Variants in ARFGEF3 observed in about 807,000 individuals in gnomAD.
ARFGEF3 encodes brefeldin A-inhibited guanine nucleotide-exchange protein 3.
Under a neutral mutation model 221.7 loss-of-function variants are expected in ARFGEF3, and 96 were observed. The observed-to-expected ratio is 0.43, with a 90% CI of 0.37 to 0.51. The LOEUF is 0.51. Among genes scored for constraint, ARFGEF3 ranks in the 20% least tolerant of loss-of-function variants. The pLI is 0.00. For missense variants in ARFGEF3, 2,410 were observed against 2,789.9 expected, an observed-to-expected ratio of 0.86 and a Z score of 3.07; for synonymous variants, 1,145 against 1,126.8, an observed-to-expected ratio of 1.02 and a Z score of -0.32.
At chr6:138,239,553 G>T (rs1477423592) in intron 6 of ARFGEF3, among the ~76,000 whole-genome samples, 1 of 151,594 alleles carries the variant, frequency 6.6e-6, no homozygotes, top group Non-Finnish European at 1.5e-5. Flanking sequence ...GGAGGCTGAG[G>T]CAGGAGAATC....
chr6:138,328,804 A>G (rs1005353519), intron 32 of ARFGEF3, among the ~76,000 whole-genome samples: 1 of 152,202 alleles, frequency 6.6e-6, no homozygotes, highest in South Asian at 2.1e-4. Context: ...AGTCTGAGTA[A>G]CATAGTAAGA....
At chr6:138,297,088 G>C in intron 21 of ARFGEF3, 133 bp downstream of exon 21, 1 of 959,112 alleles carries the variant, frequency 1.0e-6, no homozygotes, top group Non-Finnish European at 1.5e-6. Flanking sequence ...CCTATCACCT[G>C]GTCACAAACA....
At chr6:138,239,477 G>A (rs746589899) in intron 6 of ARFGEF3, among the ~76,000 whole-genome samples, 23 of 151,694 alleles carry the variant, frequency 1.5e-4, no homozygotes, top group East Asian at 1.4e-3. Flanking sequence ...GCGAAACCCC[G>A]TCTCTATTAA....
intron 1 of ARFGEF3, among the ~76,000 whole-genome samples, chr6:138,168,770 C>T (rs76916890): frequency 0.027 from 4,111 of 152,308 alleles, 81 homozygotes; most frequent in African/African-American, 0.054. Context: ...GGTCTCATTA[C>T]CCCCAGCAGG....
rs564537564 is a variant in ARFGEF3 at position 138,310,197 on chromosome 6, AC to A, written c.4097-1209del. Among the ~76,000 whole-genome samples the A allele has an allele frequency of 2.0e-5, 3 of 152,194 alleles. No individual in the cohort carries two copies. In the South Asian group the frequency reaches 6.2e-4, roughly 32 times the overall value. On this transcript the variant is annotated intron_variant, in intron 24 of 33. Transcript: ENST00000251691. ...CACATAGACTTGGATGCGTTCAAAT[AC>A]ACAGCGGCCACAGTCTAAATTTTGG...
At position 138,289,888 on chromosome 6, in the gene ARFGEF3, C is replaced by T. The variant is rs370251147; in HGVS notation, c.2967C>T (p.His989=). The T allele has an allele frequency of 2.7e-5, 44 of 1,613,900 alleles. No individual in the cohort carries two copies. The African/African-American group carries it at 3.9e-4, about 14-fold the overall frequency. The change falls in exon 18 of 34, where the codon CAC becomes CAT. Residue 989 remains histidine, a synonymous_variant. Transcript: ENST00000251691. ...KVQGVWLHTA[H]VLCMEAILSV... ...AGGGGGTGTGGCTGCACACTGCCCA[C>T]GTCTTGTGCATGGAGGCCATCCTCA...
chr6:138,295,193 G>A lies in ARFGEF3; in HGVS notation c.3502+1067G>A, dbSNP rs980510093. Among the ~76,000 whole-genome samples the A allele has an allele frequency of 4.6e-5, 7 of 152,156 alleles. No homozygotes were observed. The East Asian group carries it at 1.2e-3, about 25-fold the overall frequency. On this transcript the variant is annotated intron_variant, in intron 20 of 33. Coordinates refer to ENST00000251691, the MANE Select transcript of ARFGEF3 (RefSeq NM_020340.5). Reference sequence around the variant, plus strand: ...ATCTAGAAAGAGGGAGACTTACTTCGGAATCAATCAGGTAGGAATATAAAA... The same window carrying A: ...ATCTAGAAAGAGGGAGACTTACTTCAGAATCAATCAGGTAGGAATATAAAA...
chr6:138,239,113 T>G (rs1778347134), intron 6 of ARFGEF3, among the ~76,000 whole-genome samples: 1 of 152,206 alleles, frequency 6.6e-6, no homozygotes, highest in South Asian at 2.1e-4. Context: ...CAAAGCCCAC[T>G]AGAGCTTTTT....
chr6:138,211,306 C>G (rs1583013097), intron 4 of ARFGEF3, among the ~76,000 whole-genome samples: 1 of 152,246 alleles, frequency 6.6e-6, no homozygotes, highest in African/African-American at 2.4e-5. Flanking sequence ...AGCATCCCAA[C>G]TGATTCTTAA....
chr6:138,286,345 G>A (rs1779292042), intron 15 of ARFGEF3, among the ~76,000 whole-genome samples: 1 of 151,810 alleles, frequency 6.6e-6, no homozygotes, highest in Non-Finnish European at 1.5e-5. Flanking sequence ...AGCTACTCAG[G>A]AGGCTGAGGC....
intron 2 of ARFGEF3, among the ~76,000 whole-genome samples, chr6:138,206,302 C>G (rs1777623495): frequency 6.7e-6 from 1 of 150,160 alleles, no homozygotes; most frequent in African/African-American, 2.4e-5. Flanking sequence ...TATTTTAATG[C>G]CCTTGTTTTC....
intron 8 of ARFGEF3, among the ~76,000 whole-genome samples, chr6:138,249,008 G>T (rs188057704): frequency 6.6e-6 from 1 of 152,240 alleles, no homozygotes; most frequent in Admixed American, 6.5e-5. Context: ...AACCTGGATG[G>T]TTCCAGCCAC....
Position 138,297,032 on chromosome 6 carries a change from C to A in ARFGEF3, c.3648+77C>A. On this transcript the variant is annotated intron_variant, in intron 21 of 33. Transcript: ENST00000251691. ...CAGAGCCAGCATGGGGGCCTGCAGT[C>A]ATGTATGGGGGCAAAGCACTGTGGC... The A allele has an allele frequency of 3.4e-6, 5 of 1,489,946 alleles. No individual in the cohort carries two copies. In the South Asian group the frequency reaches 6.5e-5, roughly 19 times the overall value. The allele number at this position is 1,489,946 out of a possible 1,614,324, so 92.3% of individuals were successfully genotyped here.
Position 138,233,504 on chromosome 6 carries a change from G to C in ARFGEF3, c.420+3652G>C, listed in dbSNP as rs575863609. On this transcript the variant is annotated intron_variant, in intron 5 of 33. Coordinates refer to ENST00000251691, the MANE Select transcript of ARFGEF3 (RefSeq NM_020340.5). Reference sequence around the variant, plus strand: ...CGATTCTCCTGCCTCAGCCTCCCGAGTAGCTGGGATTACAGGCGCATGCCA... The same window carrying C: ...CGATTCTCCTGCCTCAGCCTCCCGACTAGCTGGGATTACAGGCGCATGCCA... 4.6e-5 allele frequency among the ~76,000 whole-genome samples: 7 copies of C among 152,164 alleles called. 1 individual carries two copies. The Middle Eastern group carries it at 0.021, about 447-fold the overall frequency.
In ARFGEF3 at chr6:138,342,349, C is replaced by T. The variant is rs1358481065; in HGVS notation, c.*5863C>T. 6.6e-6 allele frequency: 1 copy of T among 152,214 alleles called. No homozygotes were observed. Among genetic ancestry groups the T allele is most frequent in the Non-Finnish European group, 1.5e-5 (1 of 68,044 alleles). The allele number at this position is 152,214 out of a possible 1,614,324, so 9.4% of individuals were successfully genotyped here. ...AATTTCCAACTTCTACCTTTAAGAT[C>T]AGCCTGACTTATCAAACGCTAGAGA... On this transcript the variant is annotated 3_prime_UTR_variant, in exon 34 of 34. Transcript: ENST00000251691.
At chr6:138,188,651 C>T (rs1777237734) in intron 2 of ARFGEF3, among the ~76,000 whole-genome samples, 1 of 152,238 alleles carries the variant, frequency 6.6e-6, no homozygotes, top group Admixed American at 6.5e-5. Flanking sequence ...CAGTTACAGA[C>T]AGGCTGAAGG....
At position 138,162,122 on chromosome 6, in the gene ARFGEF3, G is replaced by C; in HGVS notation, c.36G>C (p.Ala12=). The C allele has an allele frequency of 6.2e-7, 1 of 1,605,130 alleles. No individual in the cohort carries two copies. The part of the protein sequence containing the change: ...EEILRKLQKE[A]SGSKYKAIKE... ...TCCTGAGGAAGCTGCAGAAGGAGGC[G>C]TCCGGGAGCAAGTACAAAGCCATCA... The change falls in exon 1 of 34, where the codon GCG becomes GCC. Residue 12 remains alanine (A), a synonymous_variant. Coordinates refer to ENST00000251691, the MANE Select transcript of ARFGEF3 (RefSeq NM_020340.5). This position sits in a 1 kb window ranked among gnomAD's most constrained non-coding sequence, Gnocchi z 4.7.
Position 138,335,042 on chromosome 6 carries a change from C to T in ARFGEF3, c.6196C>T (p.Arg2066Cys), listed in dbSNP as rs746448710. ...GGGCCAGGACTCCCCGCTGCTTCAG[C>T]GTCCCCAGCACTTGATGGACCAAGG... Reference protein sequence around the residue: ...PRGQDSPLLQRPQHLMDQGQM... With the variant: ...PRGQDSPLLQCPQHLMDQGQM... The change falls in exon 33 of 34, where the codon CGT becomes TGT. Residue 2066 changes from arginine (R) to cysteine (C), a missense_variant. Coordinates refer to ENST00000251691, the MANE Select transcript of ARFGEF3 (RefSeq NM_020340.5). The T allele has an allele frequency of 4.4e-6, 7 of 1,595,450 alleles. No individual in the cohort carries two copies. Among genetic ancestry groups the T allele is most frequent in the Middle Eastern group, 1.6e-4 (1 of 6,076 alleles).
At chr6:138,243,035 G>A in intron 7 of ARFGEF3, 41 bp downstream of exon 7, 1 of 1,497,320 alleles carries the variant, frequency 6.7e-7, no homozygotes, top group Non-Finnish European at 9.3e-7. Flanking sequence ...TTTAAAGCAG[G>A]TGTGAGAATG....
Sources: allele counts gnomAD v4.1 joint callset (sites outside exome capture counted in the v4.1 genomes callset), GRCh38; gene constraint gnomAD v4.1.1; non-coding constraint Gnocchi (gnomAD v3.1); transcripts MANE v1.5; gene names NCBI Gene and HGNC (gene_info 2026-07-23, HGNC 2026-07-21).